NBPF10: variants seen among roughly 807,000 people sequenced by gnomAD.
NBPF10 encodes NBPF family member NBPF10.
Under a neutral mutation model 77.9 loss-of-function variants are expected in NBPF10, and 63 were observed. That is an observed-to-expected ratio of 0.81 (90% CI 0.66 to 1.00). NBPF10 has a LOEUF of 1.00. Among genes scored for constraint, NBPF10 ranks in the 50% least tolerant of loss-of-function variants. The pLI is 0.00. For synonymous variants in NBPF10, 146 were observed against 264.5 expected (o/e 0.55, Z 4.35); for missense variants, 522 against 679.8 (o/e 0.77, Z 2.58).
In NBPF10 at chr1:146,080,997, A is replaced by T. The variant is rs1442253596; in HGVS notation, c.8892-220T>A. On this transcript the variant is annotated intron_variant, in intron 71 of 89. Transcript: ENST00000583866. ...TAGACACACACACACACACACACACACACACACACACACACACACACACAC... is the reference window on the plus strand; with the variant it reads ...TAGACACACACACACACACACACACTCACACACACACACACACACACACAC... 6.4e-4 allele frequency among the ~76,000 whole-genome samples: 51 copies of T among 79,962 alleles called. 1 individual carries two copies. In the South Asian group the frequency reaches 8.5e-3, roughly 13 times the overall value. 52.5% of individuals were successfully genotyped at this position (79,962 alleles called of 152,430 possible).
At chr1:146,134,407 A>C in intron 8 of NBPF10, 142 bp from the exon 9 acceptor site, 1 of 611,738 alleles carries the variant, frequency 1.6e-6, no homozygotes, top group South Asian at 1.7e-5. Flanking sequence ...CTTTAACAGA[A>C]TGCCCTGGCA....
Position 146,127,235 on chromosome 1 carries a change from G to C in NBPF10, c.1802-156C>G, listed in dbSNP as rs1191846157. ...TCCAGTAGGCCTGAGGTCAAGTCTTGAGAAAACTGGCTTGGGTTCTTTCAT... is the reference window on the plus strand; with the variant it reads ...TCCAGTAGGCCTGAGGTCAAGTCTTCAGAAAACTGGCTTGGGTTCTTTCAT... On this transcript the variant is annotated intron_variant, in intron 12 of 89. Transcript: ENST00000583866. Among the ~76,000 whole-genome samples, 12 of 101,824 alleles carry C rather than the reference G, an allele frequency of 1.2e-4. 2 individuals are homozygous for C. Among genetic ancestry groups the C allele is most frequent in the African/African-American group, 5.9e-4 (12 of 20,500 alleles). 66.8% of individuals were successfully genotyped at this position (101,824 alleles called of 152,430 possible).
At chr1:146,076,302 C>CAGAG (rs1158170059) in intron 77 of NBPF10, among the ~76,000 whole-genome samples, 2 of 4,862 alleles carry the variant, frequency 4.1e-4, no homozygotes, top group African/African-American at 8.3e-4. Context: ...CACACACACA[C>CAGAG]AGAGAGAGAG....
chr1:146,121,967 C>T (rs1658231563), intron 19 of NBPF10, among the ~76,000 whole-genome samples: 2 of 128,800 alleles, frequency 1.6e-5, no homozygotes, highest in African/African-American at 3.2e-5. Flanking sequence ...GAGTTAGTGC[C>T]CTCATGACAC....
At chr1:146,081,078 C>G (rs1481811328) in intron 71 of NBPF10, among the ~76,000 whole-genome samples, 3 of 32,180 alleles carry the variant, frequency 9.3e-5, no homozygotes, top group African/African-American at 2.0e-4. Flanking sequence ...AGGTGACACA[C>G]TGATGAGGGA....
At chr1:146,126,568 G>C (rs1658696923) in intron 13 of NBPF10, among the ~76,000 whole-genome samples, 160 bp from the exon 14 acceptor site, 1 of 147,286 alleles carries the variant, frequency 6.8e-6, no homozygotes, top group African/African-American at 2.5e-5. Flanking sequence ...GATTGACTAG[G>C]GCCAGGTAGA....
chr1:146,127,904 A>G (rs1553790901), intron 12 of NBPF10, among the ~76,000 whole-genome samples: 2 of 144,390 alleles, frequency 1.4e-5, no homozygotes, highest in Non-Finnish European at 3.0e-5. Flanking sequence ...TGGCACGGGC[A>G]TGGCCTGAGA....
intron 13 of NBPF10, among the ~76,000 whole-genome samples, chr1:146,126,782 G>C (rs1201110923): frequency 7.6e-6 from 1 of 132,336 alleles, no homozygotes; most frequent in African/African-American, 2.8e-5. Flanking sequence ...AAGTTTCCCG[G>C]CAGTTACCAT....
chr1:146,126,225 A>C lies in NBPF10; in HGVS notation c.2026+11T>G. 6.3e-7 allele frequency: 1 copy of C among 1,583,378 alleles called. No homozygotes were observed. The highest frequency in any genetic ancestry group is 8.7e-7 in the Non-Finnish European group (1 of 1,154,458). ...AGTGGATCCTTATCACCTTCATAGAAAGGTACTCACCATCCATGTCAATAG... is the reference window on the plus strand; with the variant it reads ...AGTGGATCCTTATCACCTTCATAGACAGGTACTCACCATCCATGTCAATAG... On this transcript the variant is annotated intron_variant, in intron 14 of 89. Coordinates refer to ENST00000583866, the Ensembl canonical transcript of NBPF10.
At chr1:146,069,646 T>G in exon 86 of NBPF10, 2 of 1,532,952 alleles carry the variant, frequency 1.3e-6, no homozygotes, top group Non-Finnish European at 1.8e-6. Flanking sequence ...CTGAAGGAGT[T>G]GAATAACATC....
At chr1:146,125,833 A>C (rs1658539846) in intron 14 of NBPF10, among the ~76,000 whole-genome samples, 2 of 149,880 alleles carry the variant, frequency 1.3e-5, no homozygotes, top group South Asian at 4.2e-4. Flanking sequence ...CTAGGAGAAA[A>C]ACTGCACTAT....
In NBPF10 at chr1:146,140,304, T is replaced by C. The variant is rs1427676543; in HGVS notation, c.566+180A>G. On this transcript the variant is annotated intron_variant, in intron 4 of 89. Coordinates refer to ENST00000583866, the Ensembl canonical transcript of NBPF10. ...TCCCTGCATGGTACAGACATGACAC[T>C]TGGCACACATAGAGAAACACGACAG... 3.9e-5 allele frequency among the ~76,000 whole-genome samples: 5 copies of C among 127,394 alleles called. 1 individual carries two copies. Among genetic ancestry groups the C allele is most frequent in the Non-Finnish European group, 9.2e-5 (5 of 54,562 alleles). 83.6% of individuals were successfully genotyped at this position (127,394 alleles called of 152,430 possible). A position where few individuals can be genotyped will look rare whatever the true frequency, so the allele number is the denominator to read the frequency against.
At chr1:146,139,292 G>C (rs1208635042) in intron 5 of NBPF10, among the ~76,000 whole-genome samples, 3 of 146,510 alleles carry the variant, frequency 2.0e-5, no homozygotes, top group African/African-American at 7.5e-5. Flanking sequence ...TGTATTTTTA[G>C]TAAAGACGGG....
chr1:146,126,825 C>T (rs1238975574), intron 13 of NBPF10, among the ~76,000 whole-genome samples: 1 of 123,820 alleles, frequency 8.1e-6, no homozygotes, highest in East Asian at 2.2e-4. Flanking sequence ...GGTCAACTTT[C>T]ACTAGGTTAG....
rs71209850 is a variant in NBPF10 at position 146,129,895 on chromosome 1, G to GTA, written c.1638-1615_1638-1614dup. On this transcript the variant is annotated intron_variant, in intron 11 of 89. Transcript: ENST00000583866. Reference sequence around the variant, plus strand: ...TTCCTTTATTATTTTTTGTGTGTATGTATATATATATATATATTTTTTAAT... The same window carrying GTA: ...TTCCTTTATTATTTTTTGTGTGTATGTATATATATATATATATATTTTTTAAT... Among the ~76,000 whole-genome samples, 587 of 89,166 alleles carry GTA rather than the reference G, an allele frequency of 6.6e-3. 2 individuals are homozygous for GTA. The highest frequency in any genetic ancestry group is 0.029 in the African/African-American group (440 of 15,294). The allele number at this position is 89,166 out of a possible 152,430, so 58.5% of individuals were successfully genotyped here. A position where few individuals can be genotyped will look rare whatever the true frequency, so the allele number is the denominator to read the frequency against.
intron 77 of NBPF10, among the ~76,000 whole-genome samples, chr1:146,076,282 C>CAG (rs1571124194): frequency 2.5e-3 from 27 of 10,908 alleles, no homozygotes; most frequent in Non-Finnish European, 7.6e-3. Context: ...CACACACACA[C>CAG]ACACACACAC....
chr1:146,139,132 C>A (rs1332955025), intron 5 of NBPF10, among the ~76,000 whole-genome samples: 4 of 128,738 alleles, frequency 3.1e-5, no homozygotes, highest in Non-Finnish European at 6.5e-5. Context: ...TGGAGTCTCG[C>A]TCTGTCTCCC....
intron 17 of NBPF10, among the ~76,000 whole-genome samples, chr1:146,123,526 AG>A (rs1553788916): frequency 1.1e-5 from 1 of 94,382 alleles, no homozygotes; most frequent in African/African-American, 6.6e-5. Flanking sequence ...ACACACACAC[AG>A]AGAGAGAGAG....
rs7526045 is a variant in NBPF10 at position 146,144,609 on chromosome 1, C to T, written c.161G>A (p.Arg54Gln). The change falls in exon 1 of 90, where the codon CGA becomes CAA. Residue 54 changes from arginine to glutamine, a missense_variant. Arg to Gln is a conservative substitution (Grantham distance 43, BLOSUM62 1). Coordinates refer to ENST00000583866, the Ensembl canonical transcript of NBPF10. Reference sequence around the variant, plus strand: ...ATAGATCTTACTGTATTTCTTCTGTCGGTTGGCCAGGAAGCCGGCCAGTTG... The same window carrying T: ...ATAGATCTTACTGTATTTCTTCTGTTGGTTGGCCAGGAAGCCGGCCAGTTG... The T allele has an allele frequency of 8.8e-5, 103 of 1,176,646 alleles. 21 individuals carry two copies. Among genetic ancestry groups the T allele is most frequent in the Admixed American group, 3.8e-4 (13 of 34,576 alleles). 72.9% of individuals were successfully genotyped at this position (1,176,646 alleles called of 1,614,324 possible). A position where few individuals can be genotyped will look rare whatever the true frequency, so the allele number is the denominator to read the frequency against.
Sources: gnomAD v4.1 joint callset for allele counts (sites outside exome capture counted in the v4.1 genomes callset) on GRCh38, gnomAD v4.1.1 for gene constraint, MANE v1.5 for transcripts, NCBI Gene and HGNC (gene_info 2026-07-23, HGNC 2026-07-21) for gene names.